The following NKAIN3 variants were observed in gnomAD, a reference collection of about 807,000 sequenced individuals.
NKAIN3 encodes sodium/potassium-transporting ATPase subunit beta-1-interacting protein 3.
In NKAIN3, 25 loss-of-function variants were observed where a neutral mutation model predicts 30.2. That is an observed-to-expected ratio of 0.83 (90% CI 0.60 to 1.16). NKAIN3 has a LOEUF of 1.16. Ranked by LOEUF, NKAIN3 falls within the 50% of genes most tolerant of loss-of-function variation. The pLI is 0.00. For synonymous variants in NKAIN3, 91 were observed against 89.6 expected (o/e 1.02, Z -0.09); for missense variants, 225 against 254.1 (o/e 0.89, Z 0.78).
chr8:62,639,525 A>G (rs1214899777), intron 3 of NKAIN3, among the ~76,000 whole-genome samples: 1 of 152,206 alleles, frequency 6.6e-6, no homozygotes, highest in Admixed American at 6.5e-5. Flanking sequence ...GGCAGTGCCC[A>G]GAAGACATAG....
In NKAIN3 at chr8:62,926,387, A is replaced by T. The variant is rs772764446; in HGVS notation, c.532+7874A>T. Among the ~76,000 whole-genome samples, 6 of 152,264 alleles carry T rather than the reference A, an allele frequency of 3.9e-5. 1 individual carries two copies. In the South Asian group the frequency reaches 1.2e-3, roughly 32 times the overall value. ...GCTCTGCCAGCCCCCCTGTGGGTTT[A>T]CTGAACCTCCACTTCTGCACGTCTG... On this transcript the variant is annotated intron_variant, in intron 5 of 6. Transcript: ENST00000623646.
chr8:62,834,602 T>C (rs1337656933), intron 4 of NKAIN3, among the ~76,000 whole-genome samples: 4 of 151,392 alleles, frequency 2.6e-5, no homozygotes, highest in African/African-American at 9.7e-5. Flanking sequence ...ACACCACAAA[T>C]ACCTAGGAAT....
At chr8:62,362,164 G>A (rs1321469424) in intron 1 of NKAIN3, among the ~76,000 whole-genome samples, 1 of 152,174 alleles carries the variant, frequency 6.6e-6, no homozygotes, top group Non-Finnish European at 1.5e-5. Context: ...ATAAATGAAT[G>A]AGCATCAATA....
At chr8:62,689,794 AATC>A (rs778084014) in intron 3 of NKAIN3, among the ~76,000 whole-genome samples, 230 of 152,110 alleles carry the variant, frequency 1.5e-3, no homozygotes, top group Non-Finnish European at 2.5e-3. Flanking sequence ...TTTGAGATTC[AATC>A]ATCGAGTCAG....
At chr8:62,839,994 A>G (rs1819484026) in intron 4 of NKAIN3, among the ~76,000 whole-genome samples, 1 of 152,180 alleles carries the variant, frequency 6.6e-6, no homozygotes, top group Non-Finnish European at 1.5e-5. Flanking sequence ...GATTGTAAAC[A>G]AGATTGAGGA....
At chr8:62,271,205 T>C (rs1812769914) in intron 1 of NKAIN3, among the ~76,000 whole-genome samples, 1 of 152,222 alleles carries the variant, frequency 6.6e-6, no homozygotes, top group African/African-American at 2.4e-5. Flanking sequence ...TGAAATTTAC[T>C]GTGACCCAAA....
intron 1 of NKAIN3, among the ~76,000 whole-genome samples, chr8:62,512,543 A>G (rs1186206676): frequency 6.6e-6 from 1 of 152,024 alleles, no homozygotes; most frequent in Non-Finnish European, 1.5e-5. Context: ...TCTGTTATTT[A>G]TTGTGTTTTT....
chr8:62,436,853 T>C (rs16928916), intron 1 of NKAIN3, among the ~76,000 whole-genome samples: 1,595 of 152,160 alleles, frequency 0.01, 27 homozygotes, highest in African/African-American at 0.036. Context: ...CAAGTAAAAG[T>C]AAGAAATTAA....
intron 4 of NKAIN3, among the ~76,000 whole-genome samples, chr8:62,867,596 A>G (rs1432729620): frequency 6.6e-6 from 1 of 152,198 alleles, no homozygotes; most frequent in African/African-American, 2.4e-5. Context: ...CCACTCATCC[A>G]TGACTGCTCT....
rs187306551 is a variant in NKAIN3 at position 62,822,386 on chromosome 8, T to G, written c.471+75257T>G. Among the ~76,000 whole-genome samples, 420 of 152,296 alleles carry G rather than the reference T, an allele frequency of 2.8e-3. 3 individuals carry two copies. Among genetic ancestry groups the G allele is most frequent in the African/African-American group, 9.7e-3 (405 of 41,566 alleles). On this transcript the variant is annotated intron_variant, in intron 4 of 6. Coordinates refer to ENST00000623646, the MANE Select transcript of NKAIN3 (RefSeq NM_001304533.3). ...CATTAATATGAGGTAAATTATGTAC[T>G]AATCAATTTTAAAGCATTTTACCTT...
chr8:62,856,473 TTTCTTCAGG>T, intron 4 of NKAIN3: 1 of 785,716 alleles, frequency 1.3e-6, no homozygotes, highest in Admixed American at 1.7e-5. Context: ...AGCCCCCAGG[TTTCTTCAGG>T]TGCTTCAAGT....
chr8:62,938,985 T>C (rs930542193), intron 5 of NKAIN3, among the ~76,000 whole-genome samples: 1 of 152,102 alleles, frequency 6.6e-6, no homozygotes, highest in Non-Finnish European at 1.5e-5. Flanking sequence ...AAGTCCAACT[T>C]AAAGAAATTT....
chr8:62,816,614 C>T (rs1818690502), intron 4 of NKAIN3, among the ~76,000 whole-genome samples: 1 of 152,084 alleles, frequency 6.6e-6, no homozygotes, highest in African/African-American at 2.4e-5. Context: ...TGCTGGATCA[C>T]TTGTGCGATC....
intron 4 of NKAIN3, among the ~76,000 whole-genome samples, chr8:62,784,085 G>A (rs892971861): frequency 1.3e-5 from 2 of 151,774 alleles, no homozygotes; most frequent in African/African-American, 4.8e-5. Context: ...TGAATAGAAC[G>A]GAAACTAAAA....
intron 1 of NKAIN3, among the ~76,000 whole-genome samples, chr8:62,488,556 G>A (rs1482627180): frequency 2.6e-5 from 4 of 152,110 alleles, no homozygotes; most frequent in South Asian, 4.1e-4. Flanking sequence ...TATTGAGAAT[G>A]AATGAATACA....
chr8:62,897,943 G>A (rs1432374172), intron 4 of NKAIN3, among the ~76,000 whole-genome samples: 2 of 152,126 alleles, frequency 1.3e-5, no homozygotes, highest in African/African-American at 4.8e-5. Flanking sequence ...CATCAGAATT[G>A]TAAGCCAAAT....
chr8:62,657,838 C>T (rs896417174), intron 3 of NKAIN3, among the ~76,000 whole-genome samples: 29 of 152,154 alleles, frequency 1.9e-4, no homozygotes, highest in African/African-American at 6.3e-4. Flanking sequence ...AAGTTCGTGT[C>T]CCTTAGAGCC....
At chr8:62,584,262 T>C (rs1301286614) in intron 2 of NKAIN3, among the ~76,000 whole-genome samples, 2 of 152,182 alleles carry the variant, frequency 1.3e-5, no homozygotes, top group Non-Finnish European at 2.9e-5. Flanking sequence ...CATTTCAAAA[T>C]AACAAACACT....
chr8:62,355,744 A>G lies in NKAIN3; in HGVS notation c.54+106617A>G, dbSNP rs192565110. On this transcript the variant is annotated intron_variant, in intron 1 of 6. Coordinates refer to ENST00000623646, the MANE Select transcript of NKAIN3 (RefSeq NM_001304533.3). The stretch of plus-strand genomic sequence containing the variant: ...CGTCTCCTGAAAAAGTGTTACTCAA[A>G]TTCTACACATGCATTTGCGACATTT... 3.5e-4 allele frequency among the ~76,000 whole-genome samples: 54 copies of G among 152,256 alleles called. 1 individual carries two copies. The East Asian group carries it at 6.6e-3, about 19-fold the overall frequency.
Sources: allele counts gnomAD v4.1 joint callset (sites outside exome capture counted in the v4.1 genomes callset), GRCh38; gene constraint gnomAD v4.1.1; transcripts MANE v1.5; gene names NCBI Gene and HGNC (gene_info 2026-07-23, HGNC 2026-07-21).